The following HYDIN variants were observed in gnomAD, a reference collection of about 807,000 sequenced individuals.
HYDIN encodes the protein HYDIN axonemal central pair apparatus protein.
A neutral mutation model predicts 403.9 loss-of-function variants in HYDIN; 132 were observed. The observed-to-expected ratio is 0.33, with a 90% CI of 0.28 to 0.38. HYDIN has a LOEUF of 0.38. Among genes scored for constraint, HYDIN ranks in the 10% least tolerant of loss-of-function variants. The pLI, the probability that HYDIN is intolerant of heterozygous loss-of-function variation, is 1.00. For synonymous variants in HYDIN, 1,202 were observed against 1,891.7 expected (o/e 0.64, Z 9.46); for missense variants, 2,827 against 5,009.5 (o/e 0.56, Z 13.15).
chr16:71,140,148 C>CT (rs140626114), intron 7 of HYDIN, among the ~76,000 whole-genome samples: 2 of 98,544 alleles, frequency 2.0e-5, no homozygotes, highest in African/African-American at 7.3e-5. Flanking sequence ...AATTTTCCAG[C>CT]TTTTTTTTGT....
At chr16:70,947,048 T>C (rs1474438119) in intron 41 of HYDIN, among the ~76,000 whole-genome samples, 4 of 150,798 alleles carry the variant, frequency 2.7e-5, no homozygotes, top group East Asian at 3.9e-4. Flanking sequence ...TCCTGCCTAA[T>C]TGCCCTGGCC....
chr16:71,150,065 C>T (rs2085479691), intron 7 of HYDIN, among the ~76,000 whole-genome samples: 1 of 145,560 alleles, frequency 6.9e-6, no homozygotes, highest in Non-Finnish European at 1.5e-5. Flanking sequence ...TCACAAAACA[C>T]AAAAAGACAT....
chr16:70,997,188 C>T (rs1415344745), intron 23 of HYDIN, among the ~76,000 whole-genome samples: 1 of 145,050 alleles, frequency 6.9e-6, no homozygotes, highest in Non-Finnish European at 1.5e-5. Context: ...GGTAGTAATG[C>T]GAGTGGTGGG....
intron 20 of HYDIN, 44 bp downstream of exon 20, chr16:71,027,558 T>G (rs771158531): frequency 3.7e-6 from 6 of 1,613,062 alleles, no homozygotes; most frequent in Non-Finnish European, 5.1e-6. Context: ...AGTAGAGATT[T>G]ATTTAGGAAA....
At chr16:70,950,849 T>C (rs2078043825) in intron 41 of HYDIN, among the ~76,000 whole-genome samples, 1 of 152,148 alleles carries the variant, frequency 6.6e-6, no homozygotes, top group Non-Finnish European at 1.5e-5. Context: ...CTCAGCTCTC[T>C]TGCCCCTCGT....
intron 7 of HYDIN, among the ~76,000 whole-genome samples, chr16:71,148,226 A>G (rs2085395593): frequency 6.6e-6 from 1 of 151,640 alleles, no homozygotes; most frequent in Non-Finnish European, 1.5e-5. Flanking sequence ...TAGAGATAGA[A>G]GGAAATTTTT....
At chr16:70,945,269 CAAA>C (rs773296223) in intron 41 of HYDIN, among the ~76,000 whole-genome samples, 11 of 152,076 alleles carry the variant, frequency 7.2e-5, no homozygotes, top group Non-Finnish European at 1.5e-4. Flanking sequence ...AAAGAGTCAC[CAAA>C]ACATGATTCT....
At chr16:71,067,189 C>G (rs1284209467) in intron 15 of HYDIN, 101 bp downstream of exon 15, 8 of 623,058 alleles carry the variant, frequency 1.3e-5, no homozygotes, top group Non-Finnish European at 2.3e-5. Flanking sequence ...GCAGGACAAA[C>G]TCAGTGTGCT....
chr16:71,148,410 C>T (rs1412981294), intron 7 of HYDIN, among the ~76,000 whole-genome samples: 1 of 152,104 alleles, frequency 6.6e-6, no homozygotes, highest in Non-Finnish European at 1.5e-5. Context: ...AAATGAAGAG[C>T]ATAAGGATTG....
At chr16:71,132,796 AT>A (rs1373389623) in intron 8 of HYDIN, 1 of 151,934 alleles carries the variant, frequency 6.6e-6, no homozygotes, top group African/African-American at 2.4e-5. Flanking sequence ...CTGATGGAGA[AT>A]TGGAGCCAGG....
intron 39 of HYDIN, among the ~76,000 whole-genome samples, chr16:70,956,151 T>C (rs1423415871): frequency 6.6e-6 from 1 of 152,114 alleles, no homozygotes; most frequent in Non-Finnish European, 1.5e-5. Context: ...CAGATGATCT[T>C]TAAAATACTT....
intron 23 of HYDIN, among the ~76,000 whole-genome samples, chr16:70,995,274 C>A (rs2079493078): frequency 6.6e-6 from 1 of 152,022 alleles, no homozygotes; most frequent in Non-Finnish European, 1.5e-5. Flanking sequence ...GTATGCTGAC[C>A]CAAACAGGAG....
chr16:71,186,365 T>C (rs1283852626), intron 2 of HYDIN, among the ~76,000 whole-genome samples: 12 of 152,138 alleles, frequency 7.9e-5, no homozygotes, highest in Non-Finnish European at 1.5e-5. Context: ...GTTCTATAAA[T>C]ATACAAACAA....
intron 23 of HYDIN, among the ~76,000 whole-genome samples, chr16:71,010,910 G>A (rs972990205): frequency 1.3e-5 from 2 of 152,246 alleles, no homozygotes; most frequent in African/African-American, 4.8e-5. Flanking sequence ...GGGGAGGCCT[G>A]CCTGGCCCTG....
At chr16:70,989,654 T>C (rs1278874961) in intron 25 of HYDIN, among the ~76,000 whole-genome samples, 1 of 152,204 alleles carries the variant, frequency 6.6e-6, no homozygotes, top group Admixed American at 6.5e-5. Context: ...TTTAGAAAGT[T>C]GATTGTACAT....
At chr16:70,872,227 AG>A in intron 64 of HYDIN, 48 bp from the exon 65 acceptor site, 1 of 817,062 alleles carries the variant, frequency 1.2e-6, no homozygotes, top group Non-Finnish European at 1.9e-6. Context: ...GCCTCCCCTG[AG>A]GGCCTGCTGC....
At chr16:70,991,980 T>A in intron 24 of HYDIN, 90 bp downstream of exon 24, 1 of 1,589,516 alleles carries the variant, frequency 6.3e-7, no homozygotes, top group Non-Finnish European at 8.5e-7. Flanking sequence ...ACTGGATGAA[T>A]GAACCAATGA....
At chr16:70,902,970 T>C (rs2076437268) in intron 52 of HYDIN, among the ~76,000 whole-genome samples, 1 of 148,424 alleles carries the variant, frequency 6.7e-6, no homozygotes, top group South Asian at 2.1e-4. Context: ...CTTTTTTTTT[T>C]TTTCGAGACA....
At chr16:71,136,757 A>G (rs2084936993) in intron 8 of HYDIN, among the ~76,000 whole-genome samples, 1 of 137,002 alleles carries the variant, frequency 7.3e-6, no homozygotes, top group African/African-American at 2.7e-5. Context: ...ACAGTACGAG[A>G]CTCCATCTCA....
Sources: gnomAD v4.1 joint callset for allele counts (sites outside exome capture counted in the v4.1 genomes callset) on GRCh38, gnomAD v4.1.1 for gene constraint, MANE v1.5 for transcripts, NCBI Gene and HGNC (gene_info 2026-07-23, HGNC 2026-07-21) for gene names.